SLC4A4: variants seen among roughly 807,000 people sequenced by gnomAD.
The protein encoded by SLC4A4 is electrogenic sodium bicarbonate cotransporter 1.
In SLC4A4, 27 loss-of-function variants were observed where a neutral mutation model predicts 111.5. That is an observed-to-expected ratio of 0.24 (90% confidence interval 0.18 to 0.33). SLC4A4 has a LOEUF of 0.33. Among genes scored for constraint, SLC4A4 ranks in the 10% least tolerant of loss-of-function variants. The probability of loss-of-function intolerance (pLI) is 1.00; values close to 1 mark genes in which losing one functional copy is unlikely to be tolerated. For missense variants in SLC4A4, 909 were observed against 1,315.5 expected, an observed-to-expected ratio of 0.69 and a Z score of 4.78; for synonymous variants, 443 against 463.4, an observed-to-expected ratio of 0.96 and a Z score of 0.57.
At chr4:71,124,261 C>T (rs1234100841) in intron 2 of SLC4A4, among the ~76,000 whole-genome samples, 2 of 150,522 alleles carry the variant, frequency 1.3e-5, no homozygotes, top group African/African-American at 4.9e-5. Context: ...CAACCTTTGC[C>T]TCCTGGTTCA....
chr4:71,549,367 G>A (rs1360431313), intron 20 of SLC4A4, among the ~76,000 whole-genome samples: 1 of 151,804 alleles, frequency 6.6e-6, no homozygotes, highest in Non-Finnish European at 1.5e-5. Flanking sequence ...AGAGTTCACT[G>A]CAGACAATTA....
At chr4:71,404,983 A>G (rs1168594383) in intron 7 of SLC4A4, among the ~76,000 whole-genome samples, 2 of 151,272 alleles carry the variant, frequency 1.3e-5, no homozygotes, top group South Asian at 2.1e-4. Flanking sequence ...GTGTATATAT[A>G]TATAATTTTT....
At chr4:71,249,699 G>A (rs1720926004) in intron 2 of SLC4A4, among the ~76,000 whole-genome samples, 1 of 151,966 alleles carries the variant, frequency 6.6e-6, no homozygotes, top group East Asian at 1.9e-4. Context: ...AACCAGCCTG[G>A]CCAACATGGT....
intron 3 of SLC4A4, among the ~76,000 whole-genome samples, chr4:71,266,993 A>C (rs555116417): frequency 2.0e-5 from 3 of 152,230 alleles, no homozygotes; most frequent in Non-Finnish European, 4.4e-5. Context: ...TAACTACATC[A>C]GTATCAGTAT....
chr4:71,143,462 C>A (rs886129056), intron 2 of SLC4A4, among the ~76,000 whole-genome samples: 2 of 152,030 alleles, frequency 1.3e-5, no homozygotes, highest in African/African-American at 4.8e-5. Context: ...GGGTATATAC[C>A]CAGTAATGGG....
chr4:71,115,158 G>A (rs2148953586), intron 2 of SLC4A4, among the ~76,000 whole-genome samples: 2 of 146,474 alleles, frequency 1.4e-5, no homozygotes, highest in African/African-American at 5.1e-5. Flanking sequence ...GACACAGGAA[G>A]GGGAACATCA....
intron 2 of SLC4A4, among the ~76,000 whole-genome samples, chr4:71,111,416 C>G (rs1193324920): frequency 6.6e-6 from 1 of 151,596 alleles, no homozygotes; most frequent in African/African-American, 2.4e-5. Flanking sequence ...GGCTGGAGTG[C>G]AATGACGTGA....
chr4:71,399,938 A>G (rs1720204567), intron 7 of SLC4A4, among the ~76,000 whole-genome samples: 1 of 152,204 alleles, frequency 6.6e-6, no homozygotes, highest in Non-Finnish European at 1.5e-5. Context: ...AAATATGGGT[A>G]CATTGGTAGA....
rs1344364328 is a variant in SLC4A4 at position 71,571,826 on chromosome 4, A to G, written c.*4075A>G. On this transcript the variant is annotated 3_prime_UTR_variant, in exon 26 of 26. Coordinates refer to ENST00000264485, the MANE Select transcript of SLC4A4 (RefSeq NM_001098484.3). ...AAGTCTTTATTAACTTTGGAGAGAG[A>G]AATGATGCATCTTTTTATTTTAAAT... 1.3e-5 allele frequency: 2 copies of G among 152,222 alleles called. No individual in the cohort carries two copies. The highest frequency in any genetic ancestry group is 4.8e-5 in the African/African-American group (2 of 41,398). The allele number at this position is 152,222 out of a possible 1,614,324, so 9.4% of individuals were successfully genotyped here. A position where few individuals can be genotyped will look rare whatever the true frequency, so the allele number is the denominator to read the frequency against.
chr4:71,198,053 T>A (rs1209314510), intron 1 of SLC4A4, among the ~76,000 whole-genome samples: 2 of 152,250 alleles, frequency 1.3e-5, no homozygotes, highest in Non-Finnish European at 2.9e-5. Context: ...ATAAAATCTT[T>A]GGAAAATAGA....
intron 14 of SLC4A4, among the ~76,000 whole-genome samples, chr4:71,475,673 T>A (rs4458426): frequency 0.14 from 22,026 of 151,956 alleles, 1,931 homozygotes; most frequent in South Asian, 0.31. Flanking sequence ...GCCAAATGTG[T>A]GACTTTCAGC....
Position 71,532,192 on chromosome 4 carries a change from C to T in SLC4A4, c.2280+17C>T. The T allele has an allele frequency of 2.2e-6, 3 of 1,355,916 alleles. No homozygotes were observed. The highest frequency in any genetic ancestry group is 1.4e-5 in the African/African-American group (1 of 69,810). The allele number at this position is 1,355,916 out of a possible 1,614,324, so 84.0% of individuals were successfully genotyped here. A position where few individuals can be genotyped will look rare whatever the true frequency, so the allele number is the denominator to read the frequency against. On this transcript the variant is annotated intron_variant, in intron 17 of 25. Coordinates refer to ENST00000264485, the MANE Select transcript of SLC4A4 (RefSeq NM_001098484.3). ...GAGTTCAAGGTAGGTGAATGTCTAT[C>T]TTTTGGTCATTCCTGGAACTCTTTT... is the stretch of plus-strand genomic sequence containing the variant.
chr4:71,119,116 T>C (rs540385880), intron 2 of SLC4A4, among the ~76,000 whole-genome samples: 28 of 152,292 alleles, frequency 1.8e-4, no homozygotes, highest in Admixed American at 1.8e-3. Flanking sequence ...TGTACCACTC[T>C]GGTATGGGTT....
intron 2 of SLC4A4, among the ~76,000 whole-genome samples, chr4:71,101,041 C>T (rs959031885): frequency 2.6e-5 from 4 of 152,052 alleles, no homozygotes; most frequent in Non-Finnish European, 2.9e-5. Flanking sequence ...AGGTGGATCA[C>T]GAGGTCAGGA....
chr4:71,063,584 T>C (rs1358081296), intron 1 of SLC4A4, among the ~76,000 whole-genome samples: 2 of 152,096 alleles, frequency 1.3e-5, no homozygotes, highest in Non-Finnish European at 2.9e-5. Flanking sequence ...AAAATTCTAA[T>C]AAAGTTATAT....
At chr4:71,397,701 T>A in intron 7 of SLC4A4, 48 bp downstream of exon 7, 1 of 1,478,196 alleles carries the variant, frequency 6.8e-7, no homozygotes, top group Non-Finnish European at 9.5e-7. Flanking sequence ...AACGTATATC[T>A]AAAAGATGCT....
chr4:71,464,631 A>G (rs1036903880), intron 12 of SLC4A4, among the ~76,000 whole-genome samples: 6 of 152,174 alleles, frequency 3.9e-5, no homozygotes, highest in Non-Finnish European at 8.8e-5. Context: ...TGTATTTGCC[A>G]TGAGAGAAGC....
intron 2 of SLC4A4, among the ~76,000 whole-genome samples, chr4:71,099,524 T>G (rs1742654817): frequency 6.6e-6 from 1 of 151,824 alleles, no homozygotes; most frequent in Non-Finnish European, 1.5e-5. Flanking sequence ...ACATCACAAC[T>G]GAAAGAATTA....
At chr4:71,105,263 A>T (rs1742875476) in intron 2 of SLC4A4, among the ~76,000 whole-genome samples, 2 of 150,432 alleles carry the variant, frequency 1.3e-5, no homozygotes, top group South Asian at 4.2e-4. Flanking sequence ...TGCTCAATGA[A>T]ATAAAAGAGG....
Sources: gnomAD v4.1 joint callset for allele counts (sites outside exome capture counted in the v4.1 genomes callset) on GRCh38, gnomAD v4.1.1 for gene constraint, MANE v1.5 for transcripts, NCBI Gene and HGNC (gene_info 2026-07-23, HGNC 2026-07-21) for gene names.